The following SLC27A6 variants were observed in gnomAD, a reference collection of about 807,000 sequenced individuals.
The protein encoded by SLC27A6 is solute carrier family 27 member 6.
A neutral mutation model predicts 63.9 loss-of-function variants in SLC27A6; 74 were observed. That is an observed-to-expected ratio of 1.16 (90% CI 0.96 to 1.40). SLC27A6 has a LOEUF of 1.40. Ranked by LOEUF, SLC27A6 falls within the 40% of genes most tolerant of loss-of-function variation. The pLI, the probability that SLC27A6 is intolerant of heterozygous loss-of-function variation, is 0.00. For missense variants in SLC27A6, 794 were observed against 732.9 expected, an observed-to-expected ratio of 1.08 and a Z score of -0.96; for synonymous variants, 287 against 260.8, an observed-to-expected ratio of 1.10 and a Z score of -0.97.
chr5:128,966,575 T>C lies in SLC27A6; in HGVS notation c.438T>C (p.Asn146=). ...ACATTCGCTCCAACTCCCTCCTGAA[T>C]TGCATCCGCGCCTGTGGGCCCAGAG... ...NTNIRSNSLL[N]CIRACGPRAL... The change falls in exon 1 of 10, where the codon AAT becomes AAC. Residue 146 remains asparagine, a synonymous_variant. Transcript: ENST00000262462. The C allele has an allele frequency of 1.9e-6, 3 of 1,555,082 alleles. No homozygotes were observed. Among genetic ancestry groups the C allele is most frequent in the South Asian group, 1.3e-5 (1 of 79,710 alleles).
intron 5 of SLC27A6, among the ~76,000 whole-genome samples, chr5:129,018,927 A>G (rs1426520640): frequency 1.3e-5 from 2 of 152,028 alleles, no homozygotes; most frequent in African/African-American, 4.8e-5. Context: ...TTTTATTCAC[A>G]TGTTGTTTTG....
rs202193188 is a variant in SLC27A6, at chr5:129,033,225, T to G, written c.1803T>G (p.Tyr601Ter). 9 of 1,599,132 alleles carry G rather than the reference T, an allele frequency of 5.6e-6. No homozygotes were observed. Among genetic ancestry groups the G allele is most frequent in the Non-Finnish European group, 7.7e-6 (9 of 1,171,590 alleles). Residue 601 changes from tyrosine to a stop codon, truncating the protein, a stop_gained, in exon 10 of 10, where the codon TAT (tyrosine) becomes TAG (stop). Coordinates refer to ENST00000262462, the MANE Select transcript of SLC27A6 (RefSeq NM_001017372.3). LOFTEE classifies it high-confidence loss of function. ...TCATGGATAACTTGAAAAAGTCTTA[T>G]GTTCTACTGACCAGGGAACTTTATG... ...LYFMDNLKKS[Y>*]VLLTRELYDQ...
intron 4 of SLC27A6, among the ~76,000 whole-genome samples, chr5:129,013,053 T>C (rs1751776634): frequency 6.6e-6 from 1 of 152,030 alleles, no homozygotes; most frequent in Non-Finnish European, 1.5e-5. Flanking sequence ...TTTTTATTAT[T>C]AGTTTTCAGT....
chr5:128,966,453 G>A lies in SLC27A6; in HGVS notation c.316G>A (p.Asp106Asn), dbSNP rs376879906. 2 of 1,607,126 alleles carry A rather than the reference G, an allele frequency of 1.2e-6. No homozygotes were observed. The highest frequency in any genetic ancestry group is 1.3e-5 in the African/African-American group (1 of 74,726). ...FLNHSSLKKG[D>N]TVALLMSNEP... ...GAACCATTCCTCTCTGAAAAAGGGG[G>A]ACACGGTGGCTCTGCTGATGAGCAA... The change falls in exon 1 of 10, where the codon GAC (aspartate) becomes AAC (asparagine). Residue 106 changes from aspartate (D) to asparagine (N), a missense_variant. Physicochemically the swap from Asp to Asn is conservative, Grantham distance 23. Transcript: ENST00000262462.
intron 4 of SLC27A6, among the ~76,000 whole-genome samples, chr5:129,002,509 CCTGG>C (rs1751377877): frequency 1.1e-5 from 1 of 90,848 alleles, no homozygotes; most frequent in African/African-American, 4.4e-5. Context: ...TCTCTCGTTC[CCTGG>C]TTCCCTCCCT....
intron 1 of SLC27A6, among the ~76,000 whole-genome samples, chr5:128,982,433 A>G (rs1325372905): frequency 6.6e-6 from 1 of 152,186 alleles, no homozygotes; most frequent in African/African-American, 2.4e-5. Flanking sequence ...GGGCTCTAGA[A>G]TTCCAACAAA....
chr5:128,968,555 GTCT>G (rs1750003864), intron 1 of SLC27A6, among the ~76,000 whole-genome samples: 1 of 152,200 alleles, frequency 6.6e-6, no homozygotes, highest in Non-Finnish European at 1.5e-5. Context: ...CTACATAAAT[GTCT>G]TCTTTGGAGA....
chr5:129,018,162 G>C (rs2150151067), intron 5 of SLC27A6, among the ~76,000 whole-genome samples: 1 of 152,174 alleles, frequency 6.6e-6, no homozygotes, highest in African/African-American at 2.4e-5. Context: ...GCCATATTTA[G>C]AACTGCTTTT....
intron 4 of SLC27A6, among the ~76,000 whole-genome samples, chr5:129,006,102 G>C (rs559144042): frequency 5.4e-5 from 2 of 37,264 alleles, no homozygotes; most frequent in South Asian, 1.7e-3. Context: ...TTTTTGAGAC[G>C]GAGTCTCGCT....
At chr5:128,980,059 C>T (rs1006092712) in intron 1 of SLC27A6, among the ~76,000 whole-genome samples, 1 of 152,128 alleles carries the variant, frequency 6.6e-6, no homozygotes, top group African/African-American at 2.4e-5. Flanking sequence ...AGCACTTCTC[C>T]CATGTAAGGA....
intron 5 of SLC27A6, among the ~76,000 whole-genome samples, chr5:129,021,126 C>T (rs1752061156): frequency 6.7e-6 from 1 of 150,136 alleles, no homozygotes; most frequent in Non-Finnish European, 1.5e-5. Flanking sequence ...CGGCCTACCT[C>T]ACATTGTTCA....
chr5:128,994,254 G>A (rs902827070), intron 4 of SLC27A6, among the ~76,000 whole-genome samples: 2 of 152,008 alleles, frequency 1.3e-5, no homozygotes, highest in African/African-American at 4.8e-5. Flanking sequence ...ATCTGCAAAT[G>A]CTTACCTGAA....
rs555778561 is a variant in SLC27A6 at position 128,972,644 on chromosome 5, G to C, written c.481+6026G>C. On this transcript the variant is annotated intron_variant, in intron 1 of 9. Transcript: ENST00000262462. Reference sequence around the variant, plus strand: ...TGTCATTTAAAGTCCTCTCTATGCTGTTTATTCTAATTAGCCATTCATCTA... The same window carrying C: ...TGTCATTTAAAGTCCTCTCTATGCTCTTTATTCTAATTAGCCATTCATCTA... 3.9e-5 allele frequency among the ~76,000 whole-genome samples: 6 copies of C among 152,246 alleles called. No individual in the cohort carries two copies. In the East Asian group the frequency reaches 1.2e-3, roughly 29 times the overall value.
intron 2 of SLC27A6, among the ~76,000 whole-genome samples, chr5:128,986,253 A>G (rs1580712520): frequency 6.6e-6 from 1 of 152,302 alleles, no homozygotes; most frequent in Admixed American, 6.5e-5. Flanking sequence ...GTTCGGGGTT[A>G]TAGTGAGCTG....
intron 8 of SLC27A6, among the ~76,000 whole-genome samples, 156 bp downstream of exon 8, chr5:129,028,598 T>C (rs950823356): frequency 6.6e-6 from 1 of 151,882 alleles, no homozygotes; most frequent in Non-Finnish European, 1.5e-5. Flanking sequence ...TTGACCAAGC[T>C]AACAAAGTTC....
In SLC27A6 at chr5:128,966,522, G is replaced by GGCT; in HGVS notation, c.388_390dup (p.Cys130dup). 1 of 1,602,362 alleles carries GGCT rather than the reference G, an allele frequency of 6.2e-7. No individual in the cohort carries two copies. The highest frequency in any genetic ancestry group is 1.7e-5 in the Admixed American group (1 of 58,060). ...CGTGTGGTTCGGCCTCGCCAAGCTG[G>GGCT]GCTGCGTGGTGGCCTTTCTCAACAC... is the stretch of plus-strand genomic sequence containing the variant. On this transcript the variant is annotated inframe_insertion, in exon 1 of 10. Transcript: ENST00000262462.
In SLC27A6 at chr5:129,026,820, C is replaced by T. The variant is rs183303592; in HGVS notation, c.1256-313C>T. On this transcript the variant is annotated intron_variant, in intron 6 of 9. Transcript: ENST00000262462. ...ATGTCAATATTATCTGTGGTAACATCTACATAATCCAAAACAAAAATAGCC... is the reference window on the plus strand; with the variant it reads ...ATGTCAATATTATCTGTGGTAACATTTACATAATCCAAAACAAAAATAGCC... Among the ~76,000 whole-genome samples, 416 of 152,166 alleles carry T rather than the reference C, an allele frequency of 2.7e-3. 1 individual carries two copies. The highest frequency in any genetic ancestry group is 9.4e-3 in the African/African-American group (392 of 41,524).
At chr5:128,991,526 T>A (rs747966662) in intron 4 of SLC27A6, among the ~76,000 whole-genome samples, 14 of 152,198 alleles carry the variant, frequency 9.2e-5, no homozygotes, top group Non-Finnish European at 1.3e-4. Context: ...TCTATAAACA[T>A]AACACGCATC....
chr5:129,018,600 A>G (rs1182108685), intron 5 of SLC27A6, among the ~76,000 whole-genome samples: 1 of 152,096 alleles, frequency 6.6e-6, no homozygotes, highest in African/African-American at 2.4e-5. Flanking sequence ...CTTGCAGTTA[A>G]TTTTCTCAGT....
Sources: allele counts gnomAD v4.1 joint callset (sites outside exome capture counted in the v4.1 genomes callset), GRCh38; gene constraint gnomAD v4.1.1; transcripts MANE v1.5; gene names NCBI Gene and HGNC (gene_info 2026-07-23, HGNC 2026-07-21).